Variants in APBB1IP observed in about 807,000 individuals in gnomAD.
The protein encoded by APBB1IP is amyloid beta precursor protein binding family B member 1 interacting protein.
In APBB1IP, 27 loss-of-function variants were observed where a neutral mutation model predicts 64.9. The ratio of observed to expected loss-of-function variants is 0.42; its 90% CI spans 0.31 to 0.57. The LOEUF (loss-of-function observed/expected upper bound fraction) is 0.57, where lower values mean the gene tolerates loss of function less well. Among genes scored for constraint, APBB1IP ranks in the 20% least tolerant of loss-of-function variants. The pLI is 0.20. For synonymous variants in APBB1IP, 392 were observed against 331.0 expected (o/e 1.18, Z -2.00); for missense variants, 812 against 845.5 (o/e 0.96, Z 0.49).
intron 11 of APBB1IP, among the ~76,000 whole-genome samples, chr10:26,557,702 C>T (rs527951965): frequency 7.3e-4 from 111 of 152,300 alleles, no homozygotes; most frequent in Non-Finnish European, 1.1e-3. Flanking sequence ...ACTAAACTCT[C>T]GTCAAGCTCT....
intron 8 of APBB1IP, among the ~76,000 whole-genome samples, chr10:26,526,486 C>T (rs12267044): frequency 0.15 from 22,664 of 150,344 alleles, 1,740 homozygotes; most frequent in Middle Eastern, 0.19. Context: ...TTTGGGAGGC[C>T]GAGGCAGGCA....
chr10:26,504,842 A>T (rs1418385849), intron 6 of APBB1IP, among the ~76,000 whole-genome samples: 2 of 152,016 alleles, frequency 1.3e-5, no homozygotes, highest in Non-Finnish European at 2.9e-5. Context: ...GCAGCCTTAA[A>T]CTCCTGGGGT....
Position 26,496,373 on chromosome 10 carries a change from G to C in APBB1IP, c.142G>C (p.Gly48Arg), listed in dbSNP as rs1446369546. The change falls in exon 4 of 15, where the codon GGG becomes CGG. Residue 48 changes from glycine to arginine, a missense_variant. Coordinates refer to ENST00000376236, the MANE Select transcript of APBB1IP (RefSeq NM_019043.4). ...PPRAEFNYSV[G>R]FKDLNESLNA... ...CAGAGCTGAATTTAACTACAGTGTG[G>C]GGTTTAAAGATTTAAATGGTAAGCA... is the stretch of plus-strand genomic sequence containing the variant. 2 of 1,610,634 alleles carry C rather than the reference G, an allele frequency of 1.2e-6. No homozygotes were observed. Among genetic ancestry groups the C allele is most frequent in the Admixed American group, 3.3e-5 (2 of 59,842 alleles).
Position 26,459,339 on chromosome 10 carries a change from T to C in APBB1IP, c.-1+20486T>C, listed in dbSNP as rs372743139. ...CACATTTTCTTAATCCAGTCTCTCA[T>C]TGTTGGACATTTGGGTCGGTTCCAA... is the stretch of plus-strand genomic sequence containing the variant. On this transcript the variant is annotated intron_variant, in intron 2 of 14. Transcript: ENST00000376236. Among the ~76,000 whole-genome samples, 16 of 152,220 alleles carry C rather than the reference T, an allele frequency of 1.1e-4. No homozygotes were observed. In the East Asian group the frequency reaches 2.9e-3, roughly 28 times the overall value.
At chr10:26,541,784 TG>T in intron 11 of APBB1IP, 92 bp downstream of exon 11, 1 of 882,188 alleles carries the variant, frequency 1.1e-6, no homozygotes, top group Non-Finnish European at 1.7e-6. Flanking sequence ...GTTAGCCATA[TG>T]TGTAACAATA....
At chr10:26,530,102 A>C (rs1426264412) in intron 8 of APBB1IP, among the ~76,000 whole-genome samples, 1 of 152,238 alleles carries the variant, frequency 6.6e-6, no homozygotes, top group African/African-American at 2.4e-5. Flanking sequence ...TTATTGTGGA[A>C]AAATATATGT....
intron 2 of APBB1IP, among the ~76,000 whole-genome samples, chr10:26,447,945 AT>A (rs1835419956): frequency 6.6e-6 from 1 of 152,148 alleles, no homozygotes; most frequent in African/African-American, 2.4e-5. Flanking sequence ...TGTGATGTTA[AT>A]TTTAATCACT....
At chr10:26,447,368 C>A (rs113354934) in intron 2 of APBB1IP, among the ~76,000 whole-genome samples, 4,040 of 124,680 alleles carry the variant, frequency 0.032, 224 homozygotes, top group African/African-American at 0.12. Flanking sequence ...GAGTGAGACT[C>A]CGTCTCAAAA....
chr10:26,534,866 A>G (rs1231465695), intron 9 of APBB1IP, among the ~76,000 whole-genome samples: 5 of 152,174 alleles, frequency 3.3e-5, no homozygotes, highest in Admixed American at 3.3e-4. Context: ...CCTGCTGTCT[A>G]ATTGGGGTCA....
At chr10:26,555,978 G>A (rs913178243) in intron 11 of APBB1IP, among the ~76,000 whole-genome samples, 1 of 152,144 alleles carries the variant, frequency 6.6e-6, no homozygotes, top group Non-Finnish European at 1.5e-5. Context: ...ACAGGACCTT[G>A]GTTCTTTCAC....
intron 8 of APBB1IP, among the ~76,000 whole-genome samples, chr10:26,516,980 G>A (rs1363938708): frequency 1.3e-5 from 2 of 152,144 alleles, no homozygotes; most frequent in African/African-American, 4.8e-5. Context: ...CCCGTTCCCA[G>A]TCTCTGGTGA....
chr10:26,466,504 A>G (rs1213444550), intron 2 of APBB1IP, among the ~76,000 whole-genome samples: 1 of 152,232 alleles, frequency 6.6e-6, no homozygotes, highest in African/African-American at 2.4e-5. Flanking sequence ...ATTTGCTTCA[A>G]GAAGTTATCC....
At chr10:26,514,965 G>A (rs1564366091) in intron 8 of APBB1IP, among the ~76,000 whole-genome samples, 4 of 151,656 alleles carry the variant, frequency 2.6e-5, no homozygotes, top group South Asian at 2.1e-4. Context: ...TCTGCCTCCC[G>A]GGTTCAGGTG....
intron 2 of APBB1IP, among the ~76,000 whole-genome samples, chr10:26,439,072 G>A (rs1835311704): frequency 6.6e-6 from 1 of 152,160 alleles, no homozygotes. Context: ...CGAGGGTGGG[G>A]GTGTGAGGGT....
chr10:26,518,295 T>C (rs926142284), intron 8 of APBB1IP, among the ~76,000 whole-genome samples: 4 of 150,882 alleles, frequency 2.7e-5, no homozygotes, highest in African/African-American at 9.8e-5. Context: ...TCACCCAGGC[T>C]GGAATGCAGT....
At chr10:26,442,816 G>C (rs1448907213) in intron 2 of APBB1IP, among the ~76,000 whole-genome samples, 1 of 152,104 alleles carries the variant, frequency 6.6e-6, no homozygotes, top group Non-Finnish European at 1.5e-5. Flanking sequence ...CCCAGCTAGA[G>C]GTAATCATTA....
At chr10:26,446,001 A>T (rs981435936) in intron 2 of APBB1IP, among the ~76,000 whole-genome samples, 2 of 152,244 alleles carry the variant, frequency 1.3e-5, no homozygotes, top group Non-Finnish European at 2.9e-5. Flanking sequence ...ACCTAGTAGA[A>T]CTGTGTTTTC....
At chr10:26,477,499 G>GGTTTATTCATTCATT (rs1329423974) in intron 2 of APBB1IP, among the ~76,000 whole-genome samples, 2 of 152,040 alleles carry the variant, frequency 1.3e-5, no homozygotes, top group African/African-American at 4.8e-5. Flanking sequence ...TTCACCTAGT[G>GGTTTATTCATTCATT]GTTTATTCAT....
intron 10 of APBB1IP, among the ~76,000 whole-genome samples, chr10:26,539,754 A>G (rs1304337968): frequency 1.3e-5 from 2 of 152,224 alleles, no homozygotes; most frequent in Admixed American, 1.3e-4. Flanking sequence ...AGACTTCAAG[A>G]AATCAATAAG....
Sources: gnomAD v4.1 joint callset for allele counts (sites outside exome capture counted in the v4.1 genomes callset) on GRCh38, gnomAD v4.1.1 for gene constraint, MANE v1.5 for transcripts, NCBI Gene and HGNC (gene_info 2026-07-23, HGNC 2026-07-21) for gene names.